CNTN5: variants seen among roughly 807,000 people sequenced by gnomAD.
CNTN5 encodes contactin-5.
In CNTN5, 77 loss-of-function variants were observed where a neutral mutation model predicts 129.1. The observed-to-expected ratio is 0.60, with a 90% CI of 0.50 to 0.72. The LOEUF (loss-of-function observed/expected upper bound fraction) is 0.72, where lower values mean the gene tolerates loss of function less well. Among genes scored for constraint, CNTN5 ranks in the 30% least tolerant of loss-of-function variants. The pLI is 0.00. For missense variants in CNTN5, 1,478 were observed against 1,328.8 expected (o/e 1.11, Z -1.75); for synonymous variants, 509 against 465.6 (o/e 1.09, Z -1.20).
chr11:99,451,104 G>A (rs182979741), intron 2 of CNTN5, among the ~76,000 whole-genome samples: 1 of 152,150 alleles, frequency 6.6e-6, no homozygotes, highest in Admixed American at 6.5e-5. Context: ...TGCTTCTAGG[G>A]AAAGGAGTAA....
chr11:99,847,555 G>A (rs1947739702), intron 6 of CNTN5, among the ~76,000 whole-genome samples: 1 of 152,052 alleles, frequency 6.6e-6, no homozygotes, highest in Admixed American at 6.6e-5. Context: ...AAACCCACAA[G>A]GTACCTGGTT....
At chr11:99,307,931 C>T (rs1488446676) in intron 1 of CNTN5, among the ~76,000 whole-genome samples, 1 of 152,168 alleles carries the variant, frequency 6.6e-6, no homozygotes. Flanking sequence ...TACACAGAAA[C>T]TAAATCAATG....
intron 2 of CNTN5, among the ~76,000 whole-genome samples, chr11:99,555,776 G>A (rs190536497): frequency 5.3e-4 from 81 of 151,976 alleles, no homozygotes; most frequent in Admixed American, 1.1e-3. Context: ...ATATATTAAT[G>A]TAACTGGTTT....
At chr11:99,591,103 C>T (rs530049125) in intron 3 of CNTN5, among the ~76,000 whole-genome samples, 3 of 152,174 alleles carry the variant, frequency 2.0e-5, no homozygotes, top group East Asian at 3.9e-4. Context: ...TCCACGTTGG[C>T]CCAGGCTTTC....
At chr11:99,754,208 A>G (rs943008602) in intron 3 of CNTN5, among the ~76,000 whole-genome samples, 1 of 152,158 alleles carries the variant, frequency 6.6e-6, no homozygotes, top group African/African-American at 2.4e-5. Context: ...AATGTTTTAA[A>G]TATTAGTGCT....
rs79943720 is a variant in CNTN5 at position 99,846,092 on chromosome 11, T to C, written c.577+830T>C. On this transcript the variant is annotated intron_variant, in intron 6 of 24. Transcript: ENST00000524871. ...TCTCCTAGATGTCCCAGTTTTCGTATTGCAAAAAAGATATTGTATGTGGCT... is the reference window on the plus strand; with the variant it reads ...TCTCCTAGATGTCCCAGTTTTCGTACTGCAAAAAAGATATTGTATGTGGCT... Among the ~76,000 whole-genome samples the C allele has an allele frequency of 7.4e-3, 1,122 of 150,648 alleles. 62 individuals are homozygous for C. In the East Asian group the frequency reaches 0.13, roughly 17 times the overall value.
At chr11:99,260,556 T>C (rs1862579742) in intron 1 of CNTN5, among the ~76,000 whole-genome samples, 1 of 151,924 alleles carries the variant, frequency 6.6e-6, no homozygotes, top group Admixed American at 6.6e-5. Flanking sequence ...TAAATATAAC[T>C]ATACTTTGTT....
chr11:99,187,864 A>G (rs1184984194), intron 1 of CNTN5, among the ~76,000 whole-genome samples: 1 of 150,624 alleles, frequency 6.6e-6, no homozygotes, highest in African/African-American at 2.4e-5. Flanking sequence ...AGAGTCAGAA[A>G]CCACATAGCA....
At chr11:99,215,466 A>T (rs894012263) in intron 1 of CNTN5, among the ~76,000 whole-genome samples, 1 of 152,130 alleles carries the variant, frequency 6.6e-6, no homozygotes, top group African/African-American at 2.4e-5. Context: ...CTTGGAGTAT[A>T]TTTGGAAGAG....
intron 2 of CNTN5, among the ~76,000 whole-genome samples, chr11:99,355,031 GA>G (rs1180683349): frequency 6.6e-6 from 1 of 152,140 alleles, no homozygotes; most frequent in African/African-American, 2.4e-5. Flanking sequence ...TGTCTGGAAA[GA>G]CCTTAATCAC....
chr11:100,002,136 A>G lies in CNTN5; in HGVS notation c.980A>G (p.Asn327Ser), dbSNP rs773132549. The G allele has an allele frequency of 3.2e-6, 5 of 1,539,140 alleles. No homozygotes were observed. The highest frequency in any genetic ancestry group is 4.4e-6 in the Non-Finnish European group (5 of 1,146,390). ...AAGATGGAATGCTTTGCACTTGGCAAGTAAGTACATGTTCTTCCATAATTA... is the reference window on the plus strand; with the variant it reads ...AAGATGGAATGCTTTGCACTTGGCAGGTAAGTACATGTTCTTCCATAATTA... ...TVKMECFALG[N>S]PVPTITWMKV... is the part of the protein sequence containing the mutation. Residue 327 changes from asparagine (N) to serine (S), a missense_variant and splice_region_variant, in exon 9 of 25, where the codon AAC becomes AGC. Physicochemically the swap from Asn to Ser is conservative, Grantham distance 46. Coordinates refer to ENST00000524871, the MANE Select transcript of CNTN5 (RefSeq NM_014361.4).
intron 3 of CNTN5, among the ~76,000 whole-genome samples, chr11:99,663,600 GGA>G (rs1244718312): frequency 1.8e-4 from 28 of 152,154 alleles, no homozygotes; most frequent in African/African-American, 6.0e-4. Context: ...ACATGCCAAG[GGA>G]GAGAGGGAGG....
chr11:100,295,222 A>C (rs1951077292), intron 18 of CNTN5, among the ~76,000 whole-genome samples: 1 of 151,750 alleles, frequency 6.6e-6, no homozygotes, highest in Non-Finnish European at 1.5e-5. Context: ...AAGATGGGCT[A>C]TCTTGTCTTG....
At chr11:99,188,273 C>T (rs11218710) in intron 1 of CNTN5, among the ~76,000 whole-genome samples, 4,410 of 151,814 alleles carry the variant, frequency 0.029, 208 homozygotes, top group African/African-American at 0.098. Context: ...CCTATTTTGG[C>T]AGTCTAACTT....
At chr11:100,012,966 C>T (rs770572) in intron 9 of CNTN5, among the ~76,000 whole-genome samples, 122,953 of 152,108 alleles carry the variant, frequency 0.81, 50,486 homozygotes, top group East Asian at 1. Flanking sequence ...CAGCAACTAT[C>T]TGGATGCTGA....
intron 13 of CNTN5, among the ~76,000 whole-genome samples, chr11:100,182,020 G>GAGTAA (rs1281112285): frequency 6.6e-6 from 1 of 152,032 alleles, no homozygotes; most frequent in Non-Finnish European, 1.5e-5. Flanking sequence ...TGAAAAGGAA[G>GAGTAA]AGTAAAGTAA....
At chr11:99,623,899 T>C (rs191209530) in intron 3 of CNTN5, among the ~76,000 whole-genome samples, 1 of 152,270 alleles carries the variant, frequency 6.6e-6, no homozygotes, top group Admixed American at 6.5e-5. Context: ...TAAATAACTG[T>C]AGTTCTCATT....
chr11:99,119,560 C>T (rs1858206641), intron 1 of CNTN5, among the ~76,000 whole-genome samples: 1 of 151,982 alleles, frequency 6.6e-6, no homozygotes, highest in Non-Finnish European at 1.5e-5. Context: ...AGTTTGATTC[C>T]ATGTCTTTGC....
chr11:100,193,510 T>C lies in CNTN5; in HGVS notation c.1731T>C (p.Thr577=). ...TAGAACCTACAAGGATAGAACTTACTCCTAAAAGAACAGAATTGACAGTGG... is the reference window on the plus strand; with the variant it reads ...TAGAACCTACAAGGATAGAACTTACCCCTAAAAGAACAGAATTGACAGTGG... ...SVKEPTRIEL[T]PKRTELTVGE... is the part of the protein sequence containing the mutation. Residue 577 remains threonine, a synonymous_variant, in exon 15 of 25, where the codon ACT becomes ACC. Coordinates refer to ENST00000524871, the MANE Select transcript of CNTN5 (RefSeq NM_014361.4). The C allele has an allele frequency of 6.2e-7, 1 of 1,601,242 alleles. No homozygotes were observed. The highest frequency in any genetic ancestry group is 1.7e-5 in the Admixed American group (1 of 57,992).
Sources: allele counts gnomAD v4.1 joint callset (sites outside exome capture counted in the v4.1 genomes callset), GRCh38; gene constraint gnomAD v4.1.1; transcripts MANE v1.5; gene names NCBI Gene and HGNC (gene_info 2026-07-23, HGNC 2026-07-21).